SMAD2: variants seen among roughly 807,000 people sequenced by gnomAD.
SMAD2 encodes MAD homolog 2.
A neutral mutation model predicts 64.4 loss-of-function variants in SMAD2; 8 were observed. The ratio of observed to expected loss-of-function variants is 0.12; its 90% confidence interval spans 0.07 to 0.22. The LOEUF is 0.22. Ranked by LOEUF, SMAD2 falls within the 10% of genes least tolerant of loss-of-function variation. The pLI is 1.00. For missense variants in SMAD2, 289 were observed against 561.2 expected, an observed-to-expected ratio of 0.51 and a Z score of 4.90; for synonymous variants, 203 against 195.8, an observed-to-expected ratio of 1.04 and a Z score of -0.31.
chr18:47,850,572 TTATATATTA>T (rs1201472313), intron 7 of SMAD2, among the ~76,000 whole-genome samples: 1 of 39,930 alleles, frequency 2.5e-5, no homozygotes, highest in African/African-American at 1.4e-4. Context: ...ATAATATATA[TTATATATTA>T]TATATATATT....
At chr18:47,854,738 C>G (rs1397687591) in intron 6 of SMAD2, among the ~76,000 whole-genome samples, 1 of 151,762 alleles carries the variant, frequency 6.6e-6, no homozygotes, top group Non-Finnish European at 1.5e-5. Flanking sequence ...AAGATCACAG[C>G]AAAACTGAAC....
rs1568066891 is a variant in SMAD2 at position 47,870,524 on chromosome 18, T to C, written c.277A>G (p.Ile93Val). The stretch of plus-strand genomic sequence containing the variant: ...AGGCCTGTTGTATCCCACTGATCTA[T>C]CGTATTTGGTGTACTCAGTCCCCAA... ...EIWGLSTPNTIDQWDTTGLYS... is the reference protein window; with the variant it reads ...EIWGLSTPNTVDQWDTTGLYS... The change falls in exon 3 of 11, where the codon ATA (isoleucine) becomes GTA (valine). Residue 93 changes from isoleucine to valine, a missense_variant. Transcript: ENST00000262160. 2 of 1,613,762 alleles carry C rather than the reference T, an allele frequency of 1.2e-6. No individual in the cohort carries two copies. Among genetic ancestry groups the C allele is most frequent in the Non-Finnish European group, 1.7e-6 (2 of 1,179,728 alleles).
intron 1 of SMAD2, among the ~76,000 whole-genome samples, chr18:47,903,157 G>C (rs191768344): frequency 6.6e-6 from 1 of 152,122 alleles, no homozygotes; most frequent in Non-Finnish European, 1.5e-5. Flanking sequence ...GATCCCAAGA[G>C]AGTCTAGACA....
chr18:47,894,067 C>T (rs538661159), intron 2 of SMAD2, among the ~76,000 whole-genome samples: 208 of 152,280 alleles, frequency 1.4e-3, no homozygotes, highest in African/African-American at 4.9e-3. Flanking sequence ...AGGAAAAGAG[C>T]TATGACTAAG....
At chr18:47,909,480 CG>C (rs1042148685) in intron 1 of SMAD2, among the ~76,000 whole-genome samples, 2 of 152,034 alleles carry the variant, frequency 1.3e-5, no homozygotes, top group Non-Finnish European at 2.9e-5. Context: ...TTAATGCAGG[CG>C]CAAGTGCTGT....
intron 6 of SMAD2, among the ~76,000 whole-genome samples, chr18:47,852,418 C>T (rs1213626905): frequency 6.6e-6 from 1 of 152,070 alleles, no homozygotes; most frequent in Non-Finnish European, 1.5e-5. Context: ...ATGGCATTGG[C>T]TTTCAGGCTA....
intron 2 of SMAD2, among the ~76,000 whole-genome samples, chr18:47,886,098 C>T (rs1329249755): frequency 6.6e-6 from 1 of 152,186 alleles, no homozygotes. Context: ...CAAGGGATGA[C>T]TTTACATCAA....
At chr18:47,902,581 A>C (rs1253420140) in intron 1 of SMAD2, among the ~76,000 whole-genome samples, 1 of 152,240 alleles carries the variant, frequency 6.6e-6, no homozygotes, top group African/African-American at 2.4e-5. Context: ...AACCATTATG[A>C]AACAACAGAA....
At chr18:47,878,974 A>G (rs2032426819) in intron 2 of SMAD2, among the ~76,000 whole-genome samples, 1 of 152,182 alleles carries the variant, frequency 6.6e-6, no homozygotes, top group South Asian at 2.1e-4. Context: ...GTCTCTATCA[A>G]AAATACAAAA....
rs568602666 is a variant in SMAD2, at chr18:47,845,871, T to C, written c.998-71A>G. ...TCAGTGTGACTTTGGAAGCATTTTCTTGGAAAAATTCTAAAATGATATAAG... is the reference window on the plus strand; with the variant it reads ...TCAGTGTGACTTTGGAAGCATTTTCCTGGAAAAATTCTAAAATGATATAAG... On this transcript the variant is annotated intron_variant, in intron 8 of 10. Transcript: ENST00000262160. The C allele has an allele frequency of 7.1e-4, 996 of 1,396,440 alleles. 2 individuals are homozygous for C. The highest frequency in any genetic ancestry group is 9.2e-4 in the Non-Finnish European group (906 of 982,862). 86.5% of individuals were successfully genotyped at this position (1,396,440 alleles called of 1,614,324 possible).
chr18:47,873,539 A>G (rs2032072737), intron 2 of SMAD2, among the ~76,000 whole-genome samples: 1 of 152,236 alleles, frequency 6.6e-6, no homozygotes, highest in African/African-American at 2.4e-5. Flanking sequence ...TCTGAAGCAC[A>G]TAATAAATTC....
At chr18:47,913,821 A>C (rs1036674859) in intron 1 of SMAD2, among the ~76,000 whole-genome samples, 2 of 152,234 alleles carry the variant, frequency 1.3e-5, no homozygotes, top group African/African-American at 2.4e-5. Context: ...CTCTACTGAA[A>C]TAAATTTTCA....
chr18:47,929,756 C>T (rs1324688467), intron 1 of SMAD2, among the ~76,000 whole-genome samples: 1 of 152,086 alleles, frequency 6.6e-6, no homozygotes, highest in African/African-American at 2.4e-5. Flanking sequence ...GACAATATCC[C>T]CCTCCAAGAG....
intron 1 of SMAD2, among the ~76,000 whole-genome samples, chr18:47,902,454 T>G (rs1338286884): frequency 6.6e-6 from 1 of 152,208 alleles, no homozygotes; most frequent in Non-Finnish European, 1.5e-5. Context: ...TTGAAATAAT[T>G]TGTTGATGAC....
intron 2 of SMAD2, among the ~76,000 whole-genome samples, chr18:47,877,176 T>A (rs1360525928): frequency 6.6e-6 from 1 of 151,342 alleles, no homozygotes; most frequent in African/African-American, 2.4e-5. Context: ...TTTTTTTTTT[T>A]AACAAATCAA....
chr18:47,876,907 TATAG>T (rs1242195445), intron 2 of SMAD2, among the ~76,000 whole-genome samples: 1 of 152,098 alleles, frequency 6.6e-6, no homozygotes, highest in Non-Finnish European at 1.5e-5. Context: ...GCGTTAAGGA[TATAG>T]ATATTTATTC....
At chr18:47,863,140 AG>A (rs1170520424) in intron 6 of SMAD2, among the ~76,000 whole-genome samples, 3 of 152,216 alleles carry the variant, frequency 2.0e-5, no homozygotes, top group African/African-American at 7.2e-5. Context: ...TCCTTCTGGA[AG>A]GTATGAACCA....
At chr18:47,845,018 T>C in intron 10 of SMAD2, 1 of 552,766 alleles carries the variant, frequency 1.8e-6, no homozygotes, top group South Asian at 2.5e-5. Flanking sequence ...TCATGTGCCA[T>C]CAAGTTTTCC....
At chr18:47,880,284 GACT>G (rs1230469063) in intron 2 of SMAD2, among the ~76,000 whole-genome samples, 1 of 152,048 alleles carries the variant, frequency 6.6e-6, no homozygotes, top group African/African-American at 2.4e-5. Flanking sequence ...GCTTTAATTA[GACT>G]ACAATTTATC....
Sources: allele counts gnomAD v4.1 joint callset (sites outside exome capture counted in the v4.1 genomes callset), GRCh38; gene constraint gnomAD v4.1.1; transcripts MANE v1.5; gene names NCBI Gene and HGNC (gene_info 2026-07-23, HGNC 2026-07-21).